Variants in GRK4 observed in about 807,000 individuals in gnomAD.
GRK4 encodes the protein G protein-coupled receptor kinase 4, also known as G protein-coupled receptor kinase 2-like.
A neutral mutation model predicts 77.9 loss-of-function variants in GRK4; 73 were observed. The observed-to-expected ratio is 0.94, with a 90% CI of 0.78 to 1.14. The LOEUF (loss-of-function observed/expected upper bound fraction) is 1.14. Ranked by LOEUF, GRK4 falls within the 50% of genes most tolerant of loss-of-function variation. The pLI, the probability that GRK4 is intolerant of heterozygous loss-of-function variation, is 0.00. For synonymous variants in GRK4, 257 were observed against 254.4 expected, an observed-to-expected ratio of 1.01 and a Z score of -0.10; for missense variants, 729 against 700.2, an observed-to-expected ratio of 1.04 and a Z score of -0.46.
chr4:2,985,203 G>A (rs543710389), intron 2 of GRK4, among the ~76,000 whole-genome samples: 2 of 151,876 alleles, frequency 1.3e-5, no homozygotes, highest in Admixed American at 1.3e-4. Context: ...ACGAGGTCAG[G>A]AGATCGAGAC....
chr4:3,036,351 C>T (rs990535644), intron 13 of GRK4, among the ~76,000 whole-genome samples: 6 of 152,230 alleles, frequency 3.9e-5, no homozygotes, highest in Non-Finnish European at 8.8e-5. Flanking sequence ...GGGGCGGGGC[C>T]TGCCGGTCCA....
chr4:3,026,779 C>G (rs557691665), intron 10 of GRK4, among the ~76,000 whole-genome samples: 1 of 152,362 alleles, frequency 6.6e-6, no homozygotes, highest in South Asian at 2.1e-4. Flanking sequence ...GCATCTGAGT[C>G]AGAGGCCGGC....
chr4:3,037,427 G>GCCGTATCATAAA lies in GRK4; in HGVS notation c.1461_1462insCCGTATCATAAA (p.Val487_Lys488insProTyrHisLys). On this transcript the variant is annotated inframe_insertion, in exon 14 of 16. Transcript: ENST00000398052. ...TGGATATCGAGCAGTTCTCGGTGGT[G>GCCGTATCATAAA]AAAGGGATCTACCTGGACACCGCAG... The GCCGTATCATAAA allele has an allele frequency of 1.2e-6, 2 of 1,608,154 alleles. No homozygotes were observed. The highest frequency in any genetic ancestry group is 1.7e-6 in the Non-Finnish European group (2 of 1,175,798).
intron 9 of GRK4, 23 bp from the exon 10 acceptor site, chr4:3,022,391 C>A (rs568346977): frequency 6.8e-6 from 11 of 1,611,424 alleles, no homozygotes; most frequent in African/African-American, 1.3e-5. Context: ...AATAATTGGG[C>A]CTTTTGTTGT....
At chr4:2,971,899 T>A (rs1440304755) in intron 1 of GRK4, among the ~76,000 whole-genome samples, 2 of 152,202 alleles carry the variant, frequency 1.3e-5, no homozygotes, top group Non-Finnish European at 2.9e-5. Flanking sequence ...ATTTTCCATT[T>A]TTATAAGGAT....
chr4:3,035,406 C>G lies in GRK4; in HGVS notation c.1290C>G (p.Ser430Arg). ...ICRMLLTKNPSKRLGCRGEGA... is the reference protein window; with the variant it reads ...ICRMLLTKNPRKRLGCRGEGA... ...TGCAGTTACTCACCAAGAATCCAAG[C>G]AAGCGGCTGGGCTGCAGGGGCGAGG... The change falls in exon 13 of 16, where the codon AGC becomes AGG. Residue 430 changes from serine to arginine, a missense_variant. Ser to Arg is a moderately radical substitution (Grantham distance 110). Coordinates refer to ENST00000398052, the MANE Select transcript of GRK4 (RefSeq NM_182982.3). 1 of 1,614,018 alleles carries G rather than the reference C, an allele frequency of 6.2e-7. No homozygotes were observed. Among genetic ancestry groups the G allele is most frequent in the Non-Finnish European group, 8.5e-7 (1 of 1,180,010 alleles).
chr4:3,004,391 C>A (rs1278182772), intron 5 of GRK4, 57 bp downstream of exon 5: 11 of 1,120,378 alleles, frequency 9.8e-6, no homozygotes, highest in Non-Finnish European at 1.5e-5. Context: ...CCAAAACAGA[C>A]AGCTTTCAGG....
chr4:3,039,071 C>A (rs563553094), intron 15 of GRK4, among the ~76,000 whole-genome samples: 2 of 152,192 alleles, frequency 1.3e-5, no homozygotes, highest in Admixed American at 6.5e-5. Flanking sequence ...CAAAACTTAG[C>A]CGGGTGTGGT....
At position 2,963,648 on chromosome 4, in the gene GRK4, T is replaced by TCGCCGGC. The variant is rs1284943122; in HGVS notation, c.-419_-413dup. The TCGCCGGC allele has an allele frequency of 8.2e-6, 3 of 364,732 alleles. No individual in the cohort carries two copies. In the East Asian group the frequency reaches 1.5e-4, roughly 18 times the overall value. 22.6% of individuals were successfully genotyped at this position (364,732 alleles called of 1,614,324 possible). ...AGCGCCGAGCCCGCCCGGGAGCGGG[T>TCGCCGGC]CGCCGGCCGCGGCGGGCGCCCCTGC... On this transcript the variant is annotated 5_prime_UTR_variant, in exon 1 of 16. Transcript: ENST00000398052.
intron 4 of GRK4, among the ~76,000 whole-genome samples, chr4:2,993,309 A>G (rs1346914385): frequency 6.6e-6 from 1 of 152,188 alleles, no homozygotes; most frequent in Non-Finnish European, 1.5e-5. Flanking sequence ...GAAGTCCTCA[A>G]TTCTGGGCAG....
In GRK4 at chr4:2,984,575, G is replaced by T. The variant is rs1189458739; in HGVS notation, c.115G>T (p.Val39Phe). 1 of 1,612,592 alleles carries T rather than the reference G, an allele frequency of 6.2e-7. No homozygotes were observed. Among genetic ancestry groups the T allele is most frequent in the South Asian group, 1.1e-5 (1 of 90,882 alleles). The change falls in exon 2 of 16, where the codon GTC becomes TTC. Residue 39 changes from valine (V) to phenylalanine (F), a missense_variant. Transcript: ENST00000398052. ...KWKEILTLPP[V>F]SQCSELRHSI... The stretch of plus-strand genomic sequence containing the variant: ...GAAGGAGATACTGACACTGCCTCCT[G>T]TCAGCCAGTGCAGTGAGCTTAGACA...
intron 2 of GRK4, chr4:2,986,801 C>T: frequency 6.2e-6 from 2 of 323,742 alleles, no homozygotes; most frequent in Non-Finnish European, 6.2e-6. Context: ...TCCATCTTTC[C>T]TTTAGTACTA....
At chr4:3,022,499 G>T in intron 10 of GRK4, 48 bp downstream of exon 10, 1 of 1,543,364 alleles carries the variant, frequency 6.5e-7, no homozygotes, top group Non-Finnish European at 8.9e-7. Flanking sequence ...TTGTTAGAGG[G>T]ACTTGGATAC....
chr4:3,013,536 C>G (rs1410805325), intron 7 of GRK4, 152 bp from the exon 8 acceptor site: 4 of 842,326 alleles, frequency 4.7e-6, no homozygotes, highest in Non-Finnish European at 7.4e-6. Flanking sequence ...CCGACTCACA[C>G]TGACGAAGCT....
chr4:3,001,089 A>ATATATATGTGTGTG, intron 4 of GRK4, among the ~76,000 whole-genome samples: 1 of 82,428 alleles, frequency 1.2e-5, no homozygotes, highest in African/African-American at 5.8e-5. Flanking sequence ...ATATATATAT[A>ATATATATGTGTGTG]TGTGTGTGTG....
At chr4:3,010,362 T>G (rs1446254458) in intron 7 of GRK4, among the ~76,000 whole-genome samples, 1 of 152,002 alleles carries the variant, frequency 6.6e-6, no homozygotes, top group African/African-American at 2.4e-5. Context: ...GAGTAGCTGG[T>G]ATTACAGGCA....
intron 4 of GRK4, among the ~76,000 whole-genome samples, chr4:2,995,894 A>G (rs958260446): frequency 2.0e-5 from 3 of 152,178 alleles, no homozygotes; most frequent in Admixed American, 2.0e-4. Flanking sequence ...TTGTTGAACT[A>G]CAGAGTGAGA....
rs149677567 is a variant in GRK4, at chr4:3,040,716, C to A, written c.*91C>A. The A allele has an allele frequency of 3.2e-5, 33 of 1,031,600 alleles. No individual in the cohort carries two copies. In the East Asian group the frequency reaches 8.5e-4, roughly 27 times the overall value. The allele number at this position is 1,031,600 out of a possible 1,614,324, so 63.9% of individuals were successfully genotyped here. A position where few individuals can be genotyped will look rare whatever the true frequency, so the allele number is the denominator to read the frequency against. Reference sequence around the variant, plus strand: ...CCACCTGGAATTGTAATAAATACATCTAAATAAAACATGCCTTGGGAGTGT... The same window carrying A: ...CCACCTGGAATTGTAATAAATACATATAAATAAAACATGCCTTGGGAGTGT... On this transcript the variant is annotated 3_prime_UTR_variant, in exon 16 of 16. Transcript: ENST00000398052.
intron 15 of GRK4, among the ~76,000 whole-genome samples, chr4:3,040,169 G>A (rs1354355691): frequency 1.3e-5 from 2 of 152,144 alleles, no homozygotes; most frequent in African/African-American, 2.4e-5. Context: ...GGCCGGGCAC[G>A]CTGGCTCACA....
Sources: gnomAD v4.1 joint callset for allele counts (sites outside exome capture counted in the v4.1 genomes callset) on GRCh38, gnomAD v4.1.1 for gene constraint, MANE v1.5 for transcripts, NCBI Gene and HGNC (gene_info 2026-07-23, HGNC 2026-07-21) for gene names.